The following MAP3K2 variants were observed in gnomAD, a reference collection of about 807,000 sequenced individuals.
The protein encoded by MAP3K2 is mitogen-activated protein kinase kinase kinase 2, also known as MAP/ERK kinase kinase 2.
A neutral mutation model predicts 80.3 loss-of-function variants in MAP3K2; 24 were observed. The ratio of observed to expected loss-of-function variants is 0.30; its 90% CI spans 0.22 to 0.42. The LOEUF is 0.42. Among genes scored for constraint, MAP3K2 ranks in the 10% least tolerant of loss-of-function variants. The pLI, the probability that MAP3K2 is intolerant of heterozygous loss-of-function variation, is 1.00. For missense variants in MAP3K2, 608 were observed against 750.1 expected (o/e 0.81, Z 2.21); for synonymous variants, 244 against 253.7 (o/e 0.96, Z 0.36).
Position 127,365,094 on chromosome 2 carries a change from G to T in MAP3K2, c.-65-21900C>A, listed in dbSNP as rs1048030884. 7.5e-5 allele frequency among the ~76,000 whole-genome samples: 8 copies of T among 106,626 alleles called. No individual in the cohort carries two copies. The Admixed American group carries it at 1.2e-3, about 15-fold the overall frequency. 70.0% of individuals were successfully genotyped at this position (106,626 alleles called of 152,430 possible). ...ATCGTGCCATTGCACTCCAGCCTGGGCGACAGAGTGAGACTCTGCCTCAAA... is the reference window on the plus strand; with the variant it reads ...ATCGTGCCATTGCACTCCAGCCTGGTCGACAGAGTGAGACTCTGCCTCAAA... On this transcript the variant is annotated intron_variant, in intron 1 of 16. Coordinates refer to ENST00000682094, the MANE Select transcript of MAP3K2 (RefSeq NM_001371910.2).
chr2:127,305,929 GCTTT>G lies in MAP3K2; in HGVS notation c.*1646_*1649del, dbSNP rs1183287404. The G allele has an allele frequency of 6.5e-5, 6 of 92,774 alleles. No homozygotes were observed. The highest frequency in any genetic ancestry group is 1.0e-4 in the Non-Finnish European group (5 of 49,214). 5.7% of individuals were successfully genotyped at this position (92,774 alleles called of 1,614,324 possible). ...AGTAGTTAAAATTTTGTTTTGATAT[GCTTT>G]TTTTTTTTTTTTTGCCCAAAATCAT... On this transcript the variant is annotated 3_prime_UTR_variant, in exon 17 of 17. Transcript: ENST00000682094.
chr2:127,356,234 G>A (rs2104866772), intron 1 of MAP3K2, among the ~76,000 whole-genome samples: 1 of 152,190 alleles, frequency 6.6e-6, no homozygotes, highest in East Asian at 1.9e-4. Context: ...ATGGCACCTA[G>A]AATGATGAAT....
chr2:127,341,141 C>G (rs541952714), intron 2 of MAP3K2, among the ~76,000 whole-genome samples: 35 of 151,878 alleles, frequency 2.3e-4, no homozygotes, highest in Non-Finnish European at 4.6e-4. Context: ...AGGCACCCCC[C>G]ACCACGCCTG....
intron 1 of MAP3K2, among the ~76,000 whole-genome samples, chr2:127,379,211 T>C (rs1687203129): frequency 6.6e-6 from 1 of 152,140 alleles, no homozygotes; most frequent in Admixed American, 6.5e-5. Context: ...ATTTAATAAA[T>C]ACTACCTCCC....
intron 14 of MAP3K2, among the ~76,000 whole-genome samples, chr2:127,316,068 CCTT>C (rs1281262916): frequency 6.6e-6 from 1 of 151,294 alleles, no homozygotes; most frequent in East Asian, 2.0e-4. Flanking sequence ...AAACAAGACT[CCTT>C]CTCAAAAAAT....
intron 1 of MAP3K2, among the ~76,000 whole-genome samples, chr2:127,362,433 C>A (rs772250322): frequency 1.2e-4 from 18 of 152,258 alleles, no homozygotes; most frequent in Non-Finnish European, 1.9e-4. Flanking sequence ...TAGGGGTTTC[C>A]CCCACCCCAC....
intron 1 of MAP3K2, among the ~76,000 whole-genome samples, chr2:127,344,778 T>C (rs1391546133): frequency 6.6e-6 from 1 of 152,214 alleles, no homozygotes; most frequent in Non-Finnish European, 1.5e-5. Context: ...CCTCACTATG[T>C]ATATGCAAAT....
At chr2:127,331,341 C>T (rs1004066347) in intron 5 of MAP3K2, among the ~76,000 whole-genome samples, 1 of 152,038 alleles carries the variant, frequency 6.6e-6, no homozygotes, top group Non-Finnish European at 1.5e-5. Context: ...AGAATAAAAA[C>T]AAGTGAACAT....
intron 10 of MAP3K2, 62 bp from the exon 11 acceptor site, chr2:127,324,056 A>G: frequency 1.8e-6 from 2 of 1,096,246 alleles, no homozygotes; most frequent in Non-Finnish European, 2.6e-6. Flanking sequence ...ATTTCTAATG[A>G]TGAAAAGCAC....
chr2:127,336,063 A>G, intron 4 of MAP3K2, 94 bp from the exon 5 acceptor site: 1 of 659,326 alleles, frequency 1.5e-6, no homozygotes, highest in African/African-American at 1.8e-5. Context: ...TACAAGATTA[A>G]CTAAAAATTA....
At position 127,323,934 on chromosome 2, in the gene MAP3K2, T is replaced by C; in HGVS notation, c.806A>G (p.His269Arg). ...ATACTCTTGATGATGATATGAAACATGATACCTTCTTGGATATGTTCCTCC... is the reference window on the plus strand; with the variant it reads ...ATACTCTTGATGATGATATGAAACACGATACCTTCTTGGATATGTTCCTCC... ...GKGGTYPRRY[H>R]VSYHHQEYND... is the part of the protein sequence containing the mutation. Residue 269 changes from histidine (H) to arginine (R), a missense_variant, in exon 11 of 17, where the codon CAT becomes CGT. Physicochemically the swap from His to Arg is conservative, Grantham distance 29. Transcript: ENST00000682094. 1 of 1,564,282 alleles carries C rather than the reference T, an allele frequency of 6.4e-7. No homozygotes were observed. The highest frequency in any genetic ancestry group is 1.2e-5 in the South Asian group (1 of 84,860).
At chr2:127,345,267 CA>C (rs140309204) in intron 1 of MAP3K2, among the ~76,000 whole-genome samples, 5,149 of 152,180 alleles carry the variant, frequency 0.034, 125 homozygotes, top group Middle Eastern at 0.071. Flanking sequence ...AAAACAGACA[CA>C]AAAATTGTTG....
At chr2:127,384,361 T>C (rs1020692001) in intron 1 of MAP3K2, among the ~76,000 whole-genome samples, 2 of 152,064 alleles carry the variant, frequency 1.3e-5, no homozygotes, top group East Asian at 3.9e-4. Context: ...ATAACTACCA[T>C]AGACAGTGAT....
At chr2:127,337,804 T>G in intron 3 of MAP3K2, 26 bp from the exon 4 acceptor site, 3 of 1,404,820 alleles carry the variant, frequency 2.1e-6, no homozygotes, top group Non-Finnish European at 2.9e-6. Context: ...AAATCAGTCT[T>G]TCAGAGATTA....
At chr2:127,308,491 A>C in intron 16 of MAP3K2, 94 bp downstream of exon 16, 1 of 1,175,944 alleles carries the variant, frequency 8.5e-7, no homozygotes, top group Non-Finnish European at 1.2e-6. Flanking sequence ...TTGGAAGTAC[A>C]AAAGATTATT....
At chr2:127,351,731 C>T (rs550997482) in intron 1 of MAP3K2, among the ~76,000 whole-genome samples, 78 of 152,206 alleles carry the variant, frequency 5.1e-4, no homozygotes, top group Middle Eastern at 3.4e-3. Context: ...CAATAAGGAT[C>T]ACCCTTTTAA....
At chr2:127,350,393 G>C (rs1339823109) in intron 1 of MAP3K2, among the ~76,000 whole-genome samples, 3 of 150,838 alleles carry the variant, frequency 2.0e-5, no homozygotes, top group Non-Finnish European at 2.9e-5. Context: ...CTTCAGCCCA[G>C]GGGTTTGTAT....
rs533551858 is a variant in MAP3K2 at position 127,322,909 on chromosome 2, T to C, written c.839-657A>G. Among the ~76,000 whole-genome samples, 34 of 151,732 alleles carry C rather than the reference T, an allele frequency of 2.2e-4. No homozygotes were observed. The South Asian group carries it at 7.1e-3, about 32-fold the overall frequency. ...CGCACCTGGCCAGTAATTTTTTTTC[T>C]TAAAGGGATGATGTAAGTATCAATC... On this transcript the variant is annotated intron_variant, in intron 11 of 16. Coordinates refer to ENST00000682094, the MANE Select transcript of MAP3K2 (RefSeq NM_001371910.2). This position sits in a 1 kb window ranked among gnomAD's most constrained non-coding sequence, Gnocchi z 4.2.
chr2:127,381,973 A>C (rs1687254110), intron 1 of MAP3K2, among the ~76,000 whole-genome samples: 1 of 152,192 alleles, frequency 6.6e-6, no homozygotes, highest in African/African-American at 2.4e-5. Context: ...TTTATAAGAC[A>C]ACTGTCTTGA....
Sources: gnomAD v4.1 joint callset for allele counts (sites outside exome capture counted in the v4.1 genomes callset) on GRCh38, gnomAD v4.1.1 for gene constraint, Gnocchi (gnomAD v3.1) non-coding constraint, MANE v1.5 for transcripts, NCBI Gene and HGNC (gene_info 2026-07-23, HGNC 2026-07-21) for gene names.